Variants in DPY30 observed in about 807,000 individuals in gnomAD.
The protein encoded by DPY30 is dpy-30 histone methyltransferase complex regulatory subunit, also known as protein dpy-30 homolog.
A neutral mutation model predicts 16.2 loss-of-function variants in DPY30; 6 were observed. The observed-to-expected ratio is 0.37, with a 90% CI of 0.20 to 0.73. The LOEUF is 0.73. Ranked by LOEUF, DPY30 falls within the 30% of genes least tolerant of loss-of-function variation. DPY30 has a pLI of 0.51. For synonymous variants in DPY30, 39 were observed against 38.8 expected, an observed-to-expected ratio of 1.00 and a Z score of -0.02; for missense variants, 73 against 113.1, an observed-to-expected ratio of 0.65 and a Z score of 1.61.
chr2:32,021,576 T>C (rs1389625959), downstream of DPY30, among the ~76,000 whole-genome samples: 1 of 146,246 alleles, frequency 6.8e-6, no homozygotes, highest in African/African-American at 2.5e-5. Context: ...TACTGGGGGG[T>C]GCTGAGACAG....
In DPY30 at chr2:32,024,107, G is replaced by A. The variant is rs149624922; in HGVS notation, c.*77C>T. Reference sequence around the variant, plus strand: ...TCTTATACATCCAAAAAGAGGGAATGATCATGGCAATTAAAGCTGCCTCTT... The same window carrying A: ...TCTTATACATCCAAAAAGAGGGAATAATCATGGCAATTAAAGCTGCCTCTT... On this transcript the variant is annotated 3_prime_UTR_variant, in exon 5 of 5. Transcript: ENST00000342166. 18,967 of 1,559,206 alleles carry A rather than the reference G, an allele frequency of 0.012. 226 individuals carry two copies. Among genetic ancestry groups the A allele is most frequent in the South Asian group, 0.043 (3,663 of 84,248 alleles).
chr2:32,024,073 C>G lies in DPY30; in HGVS notation c.*111G>C. 6.6e-7 allele frequency: 1 copy of G among 1,514,562 alleles called. No homozygotes were observed. Among genetic ancestry groups the G allele is most frequent in the Non-Finnish European group, 8.8e-7 (1 of 1,137,948 alleles). 93.8% of individuals were successfully genotyped at this position (1,514,562 alleles called of 1,614,324 possible). ...CAATTCCAGAAATAGGTTCTGTTGT[C>G]CGGAAGGTTCTTATACATCCAAAAA... On this transcript the variant is annotated 3_prime_UTR_variant, in exon 5 of 5. Coordinates refer to ENST00000342166, the MANE Select transcript of DPY30 (RefSeq NM_001321209.2).
intron 4 of DPY30, among the ~76,000 whole-genome samples, chr2:32,027,838 C>T (rs192764177): frequency 2.2e-3 from 336 of 152,004 alleles, no homozygotes; most frequent in African/African-American, 7.2e-3. Context: ...CTGCATTAGC[C>T]AGGATGGTCT....
chr2:32,035,617 A>T (rs1675705378), intron 3 of DPY30, among the ~76,000 whole-genome samples: 1 of 151,096 alleles, frequency 6.6e-6, no homozygotes, highest in African/African-American at 2.4e-5. Context: ...TTTATAATAT[A>T]TTCTATAAGT....
intron 3 of DPY30, among the ~76,000 whole-genome samples, chr2:32,029,974 A>G (rs755935043): frequency 2.6e-5 from 4 of 151,682 alleles, no homozygotes; most frequent in Non-Finnish European, 5.9e-5. Context: ...ATGTCTCAAG[A>G]TCCTACTCTT....
At chr2:32,022,872 A>G (rs1379522485), downstream of DPY30, among the ~76,000 whole-genome samples, 1 of 152,146 alleles carries the variant, frequency 6.6e-6, no homozygotes, top group East Asian at 1.9e-4. Context: ...ATGGAGACAC[A>G]CGACTTTAAT....
chr2:32,018,629 A>C (rs367840932), intron 5 of DPY30, among the ~76,000 whole-genome samples: 4 of 152,214 alleles, frequency 2.6e-5, no homozygotes, highest in African/African-American at 9.6e-5. Flanking sequence ...CAGGAGGCTG[A>C]GGCAGGAGAA....
At chr2:32,018,813 G>C (rs1675110985) in intron 5 of DPY30, among the ~76,000 whole-genome samples, 1 of 151,980 alleles carries the variant, frequency 6.6e-6, no homozygotes, top group Non-Finnish European at 1.5e-5. Flanking sequence ...GAGCCCAGGA[G>C]TTCAAGACCA....
At chr2:32,013,249 T>G (rs966212891) in intron 5 of DPY30, 7 of 152,210 alleles carry the variant, frequency 4.6e-5, no homozygotes, top group African/African-American at 1.7e-4. Flanking sequence ...GCAACAATCG[T>G]AAGTCTCATT....
chr2:32,029,512 C>T (rs866961571), intron 4 of DPY30, 82 bp downstream of exon 4: 28 of 1,510,542 alleles, frequency 1.9e-5, no homozygotes, highest in Non-Finnish European at 2.3e-5. Context: ...TAAAAAGTCG[C>T]TATACATAAC....
chr2:32,027,627 ATTTTT>A (rs1190753873), intron 4 of DPY30, among the ~76,000 whole-genome samples: 1 of 117,916 alleles, frequency 8.5e-6, no homozygotes, highest in African/African-American at 3.4e-5. Flanking sequence ...CAAGATACCC[ATTTTT>A]TTTTTTTTTT....
downstream of DPY30, among the ~76,000 whole-genome samples, chr2:32,020,201 G>A (rs143117341): frequency 1.7e-3 from 247 of 148,234 alleles, 1 homozygote; most frequent in African/African-American, 5.4e-3. Context: ...GCAAGACTCC[G>A]TCTCAAAAAC....
intron 3 of DPY30, 134 bp from the exon 4 acceptor site, chr2:32,029,870 A>C: frequency 1.1e-6 from 1 of 885,416 alleles, no homozygotes. Context: ...CTAGACCACA[A>C]ACTTCTCTGC....
chr2:32,034,840 A>G (rs1336255842), intron 3 of DPY30, among the ~76,000 whole-genome samples: 2 of 152,032 alleles, frequency 1.3e-5, no homozygotes, highest in African/African-American at 4.8e-5. Context: ...CTCTACTAAA[A>G]ATACAAAAAT....
intron 3 of DPY30, among the ~76,000 whole-genome samples, chr2:32,030,081 AAT>A (rs373632134): frequency 0.093 from 13,896 of 149,346 alleles, 682 homozygotes; most frequent in Middle Eastern, 0.18. Flanking sequence ...AAAAAAAAAA[AAT>A]AATGAATGTA....
At chr2:32,036,692 C>G (rs1675753772) in intron 3 of DPY30, among the ~76,000 whole-genome samples, 1 of 132,748 alleles carries the variant, frequency 7.5e-6, no homozygotes, top group Non-Finnish European at 1.6e-5. Context: ...AAAAAGAAAC[C>G]CAGTGTCTAC....
At chr2:32,038,965 A>G (rs534610539) in intron 3 of DPY30, among the ~76,000 whole-genome samples, 1 of 152,280 alleles carries the variant, frequency 6.6e-6, no homozygotes, top group African/African-American at 2.4e-5. Flanking sequence ...TCTTAATTTT[A>G]ATATGCGGTT....
At chr2:32,034,961 T>A (rs941632137) in intron 3 of DPY30, among the ~76,000 whole-genome samples, 9 of 151,604 alleles carry the variant, frequency 5.9e-5, no homozygotes, top group African/African-American at 2.2e-4. Flanking sequence ...ATCGCGCCAC[T>A]TCCAGCCTGG....
chr2:32,036,319 G>T (rs1366144147), intron 3 of DPY30, among the ~76,000 whole-genome samples: 1 of 151,892 alleles, frequency 6.6e-6, no homozygotes, highest in Admixed American at 6.6e-5. Context: ...TTCCAAGTTT[G>T]ATGAAAATTC....
Sources: allele counts gnomAD v4.1 joint callset (sites outside exome capture counted in the v4.1 genomes callset), GRCh38; gene constraint gnomAD v4.1.1; transcripts MANE v1.5; gene names NCBI Gene and HGNC (gene_info 2026-07-23, HGNC 2026-07-21).